KCND3: variants seen among roughly 807,000 people sequenced by gnomAD.
KCND3 encodes A-type voltage-gated potassium channel KCND3.
Under a neutral mutation model 51.1 loss-of-function variants are expected in KCND3, and 9 were observed. The observed-to-expected ratio is 0.18, with a 90% CI of 0.11 to 0.31. The LOEUF (loss-of-function observed/expected upper bound fraction) is 0.31. Among genes scored for constraint, KCND3 ranks in the 10% least tolerant of loss-of-function variants. The pLI is 1.00. For synonymous variants in KCND3, 349 were observed against 368.0 expected (o/e 0.95, Z 0.59); for missense variants, 526 against 903.8 (o/e 0.58, Z 5.36).
intron 2 of KCND3, among the ~76,000 whole-genome samples, chr1:111,877,383 A>AT (rs1669098129): frequency 3.3e-5 from 5 of 152,340 alleles, no homozygotes; most frequent in Admixed American, 3.3e-4. Context: ...ATGTGCACCT[A>AT]TGTGCACACT....
chr1:111,778,309 G>A (rs1664218865), intron 6 of KCND3, 127 bp downstream of exon 6: 1 of 881,130 alleles, frequency 1.1e-6, no homozygotes, highest in Non-Finnish European at 2.0e-6. Flanking sequence ...GACAGCAGAG[G>A]TAGGAGGAGC....
intron 2 of KCND3, among the ~76,000 whole-genome samples, chr1:111,938,513 T>C (rs1312003735): frequency 6.6e-6 from 1 of 152,174 alleles, no homozygotes; most frequent in Non-Finnish European, 1.5e-5. Flanking sequence ...CAGATGGTGA[T>C]AACTGCTATG....
At chr1:111,984,473 A>G (rs1168899583) in intron 1 of KCND3, among the ~76,000 whole-genome samples, 1 of 152,182 alleles carries the variant, frequency 6.6e-6, no homozygotes, top group Non-Finnish European at 1.5e-5. Context: ...TACTGCCCTC[A>G]TGAAGGCCCA....
At chr1:111,835,999 G>T (rs376839876) in intron 2 of KCND3, among the ~76,000 whole-genome samples, 1 of 152,076 alleles carries the variant, frequency 6.6e-6, no homozygotes, top group Non-Finnish European at 1.5e-5. Flanking sequence ...GTACCTGCAG[G>T]CTCTGTAAAA....
chr1:111,835,955 C>G (rs1256722083), intron 2 of KCND3, among the ~76,000 whole-genome samples: 1 of 152,184 alleles, frequency 6.6e-6, no homozygotes, highest in East Asian at 1.9e-4. Context: ...TGGATCAGAA[C>G]CCCTTTCTGG....
chr1:111,956,674 A>G (rs1673359735), intron 2 of KCND3, among the ~76,000 whole-genome samples: 1 of 152,064 alleles, frequency 6.6e-6, no homozygotes, highest in Non-Finnish European at 1.5e-5. Context: ...CCCCACTTCC[A>G]CAGCTCCTTC....
intron 2 of KCND3, among the ~76,000 whole-genome samples, chr1:111,971,295 CAAAAAA>C (rs3058881): frequency 7.4e-6 from 1 of 134,846 alleles, no homozygotes; most frequent in Non-Finnish European, 1.6e-5. Context: ...TTGCAGGAGG[CAAAAAA>C]AAAAAAAAAA....
chr1:111,777,035 A>T lies in KCND3; in HGVS notation c.1757T>A (p.Leu586His). 2 of 1,613,452 alleles carry T rather than the reference A, an allele frequency of 1.2e-6. No homozygotes were observed. Among genetic ancestry groups the T allele is most frequent in the Non-Finnish European group, 1.7e-6 (2 of 1,179,872 alleles). The change falls in exon 7 of 8, where the codon CTC (leucine) becomes CAC (histidine). Residue 586 changes from leucine (L) to histidine (H), a missense_variant. This residue lies in a region of KCND3 where 266 missense variants were observed against 305.5 expected (regional missense o/e 0.87). Transcript: ENST00000302127. ...GATGGAAGCCACCCACCTGGTTGTG[A>T]GGGAGGGCTGCTCACTGCCCTGGAT... The part of the protein sequence containing the change: ...IHIQGSEQPS[L>H]TTSRSSLNLK...
At position 111,982,219 on chromosome 1, in the gene KCND3, A is replaced by C. The variant is rs756163693; in HGVS notation, c.508T>G (p.Trp170Gly). ...GTGTGGGGGTTCTCGAAGGCCCGCCACATGGTCTGGCGGAAGCTGAGCGAG... is the reference window on the plus strand; with the variant it reads ...GTGTGGGGGTTCTCGAAGGCCCGCCCCATGGTCTGGCGGAAGCTGAGCGAG... ...MPSLSFRQTM[W>G]RAFENPHTST... The change falls in exon 2 of 8, where the codon TGG (tryptophan) becomes GGG (glycine). Residue 170 changes from tryptophan (W) to glycine (G), a missense_variant. By Grantham distance (184) the Trp-to-Gly change is radical. Transcript: ENST00000302127. The surrounding 1 kb of genome is among the most constrained non-coding windows in gnomAD (Gnocchi z 8.5). 2 of 1,614,098 alleles carry C rather than the reference A, an allele frequency of 1.2e-6. No individual in the cohort carries two copies. Among genetic ancestry groups the C allele is most frequent in the Non-Finnish European group, 1.7e-6 (2 of 1,180,016 alleles).
chr1:111,896,643 C>G (rs543821809), intron 2 of KCND3, among the ~76,000 whole-genome samples: 2 of 152,318 alleles, frequency 1.3e-5, no homozygotes, highest in East Asian at 3.9e-4. Flanking sequence ...ACTCAGCGGA[C>G]AGCAATAGGT....
chr1:111,934,915 C>T (rs1346458577), intron 2 of KCND3, among the ~76,000 whole-genome samples: 1 of 152,182 alleles, frequency 6.6e-6, no homozygotes, highest in Non-Finnish European at 1.5e-5. Flanking sequence ...AGATAGAGCA[C>T]TTACATTAAT....
chr1:111,961,833 G>A (rs1030110232), intron 2 of KCND3, among the ~76,000 whole-genome samples: 14 of 152,288 alleles, frequency 9.2e-5, no homozygotes, highest in Admixed American at 9.2e-4. Flanking sequence ...GCTTTCTCAT[G>A]TCTGAGACAA....
Position 111,948,441 on chromosome 1 carries a change from A to G in KCND3, c.1106+33180T>C, listed in dbSNP as rs577296497. ...CCTGGGAGGTGCCAGGGAGGTGCTCAGGACTCTGGCCCACACTTAAGGATA... is the reference window on the plus strand; with the variant it reads ...CCTGGGAGGTGCCAGGGAGGTGCTCGGGACTCTGGCCCACACTTAAGGATA... On this transcript the variant is annotated intron_variant, in intron 2 of 7. Transcript: ENST00000302127. Among the ~76,000 whole-genome samples the G allele has an allele frequency of 4.6e-5, 7 of 152,354 alleles. No individual in the cohort carries two copies. The East Asian group carries it at 1.4e-3, about 29-fold the overall frequency.
chr1:111,920,270 C>T (rs531479618), intron 2 of KCND3, among the ~76,000 whole-genome samples: 4 of 152,308 alleles, frequency 2.6e-5, no homozygotes, highest in East Asian at 1.9e-4. Context: ...GCCATCTGCA[C>T]GTGAGTCCTG....
chr1:111,893,944 C>T (rs1193270701), intron 2 of KCND3, among the ~76,000 whole-genome samples: 2 of 152,160 alleles, frequency 1.3e-5, no homozygotes, highest in Admixed American at 1.3e-4. Context: ...ATGCCCCCAT[C>T]ACTCAGACAC....
chr1:111,907,739 G>T (rs1396971034), intron 2 of KCND3, among the ~76,000 whole-genome samples: 1 of 152,232 alleles, frequency 6.6e-6, no homozygotes, highest in Non-Finnish European at 1.5e-5. Context: ...GTGCACACAT[G>T]CTGTGAGCAT....
At position 111,776,148 on chromosome 1, in the gene KCND3, G is replaced by C; in HGVS notation, c.1897C>G (p.Pro633Ala). The C allele has an allele frequency of 2.5e-6, 4 of 1,614,234 alleles. No individual in the cohort carries two copies. In the South Asian group the frequency reaches 3.3e-5, roughly 13 times the overall value. ...TTCGTGTTGGGGCCTGGGCTGGCAG[G>C]GGGTGGCCGACTTTCCCCCTCTGGG... is the stretch of plus-strand genomic sequence containing the variant. Reference protein sequence around the residue: ...LTPEGESRPPPASPGPNTNIP... With the variant: ...LTPEGESRPPAASPGPNTNIP... The change falls in exon 8 of 8, where the codon CCT becomes GCT. Residue 633 changes from proline to alanine, a missense_variant. Transcript: ENST00000302127.
chr1:111,933,468 A>T (rs1672073562), intron 2 of KCND3, among the ~76,000 whole-genome samples: 1 of 152,192 alleles, frequency 6.6e-6, no homozygotes, highest in African/African-American at 2.4e-5. Flanking sequence ...ACCATTCCAC[A>T]TTGAGTGTCC....
intron 2 of KCND3, among the ~76,000 whole-genome samples, chr1:111,957,246 C>T (rs146995394): frequency 2.1e-3 from 317 of 152,238 alleles, no homozygotes; most frequent in African/African-American, 7.2e-3. Context: ...CTAAGGAGGC[C>T]CCAACAGCCA....
Sources: allele counts gnomAD v4.1 joint callset (sites outside exome capture counted in the v4.1 genomes callset), GRCh38; gene constraint gnomAD v4.1.1; regional missense constraint gnomAD v4.1.1; non-coding constraint Gnocchi (gnomAD v3.1); transcripts MANE v1.5; gene names NCBI Gene and HGNC (gene_info 2026-07-23, HGNC 2026-07-21).